SHROOM3: variants seen among roughly 807,000 people sequenced by gnomAD.
The protein encoded by SHROOM3 is protein Shroom3.
A neutral mutation model predicts 138.6 loss-of-function variants in SHROOM3; 47 were observed. The observed-to-expected ratio is 0.34, with a 90% CI of 0.27 to 0.43. SHROOM3 has a LOEUF of 0.43. Ranked by LOEUF, SHROOM3 falls within the 20% of genes least tolerant of loss-of-function variation. SHROOM3 has a pLI of 1.00. For missense variants in SHROOM3, 2,491 were observed against 2,596.5 expected (o/e 0.96, Z 0.88); for synonymous variants, 1,062 against 1,063.3 (o/e 1.00, Z 0.02).
intron 7 of SHROOM3, among the ~76,000 whole-genome samples, chr4:76,755,731 G>A (rs1178881491): frequency 3.3e-5 from 5 of 152,162 alleles, no homozygotes; most frequent in African/African-American, 1.2e-4. Flanking sequence ...GAGAGACTGG[G>A]ATGTGAATGC....
At chr4:76,478,404 A>G (rs1018546790) in intron 1 of SHROOM3, among the ~76,000 whole-genome samples, 1 of 152,172 alleles carries the variant, frequency 6.6e-6, no homozygotes, top group Admixed American at 6.5e-5. Flanking sequence ...TCACAAAACC[A>G]CTGTAGCCAG....
chr4:76,506,874 AG>A (rs1732221702), intron 1 of SHROOM3, among the ~76,000 whole-genome samples: 1 of 152,166 alleles, frequency 6.6e-6, no homozygotes, highest in Non-Finnish European at 1.5e-5. Flanking sequence ...ACTCTCTTAC[AG>A]TACTCCCTCC....
At chr4:76,626,576 A>G (rs539308932) in intron 2 of SHROOM3, among the ~76,000 whole-genome samples, 1 of 152,336 alleles carries the variant, frequency 6.6e-6, no homozygotes, top group South Asian at 2.1e-4. Flanking sequence ...TTTAACATGC[A>G]TGGGTAGAAT....
chr4:76,483,134 GC>G (rs569907455), intron 1 of SHROOM3, among the ~76,000 whole-genome samples: 107 of 152,110 alleles, frequency 7.0e-4, no homozygotes, highest in Non-Finnish European at 1.4e-3. Context: ...GGCAACAAAA[GC>G]CAAAATTGAC....
intron 2 of SHROOM3, among the ~76,000 whole-genome samples, chr4:76,627,458 G>A (rs1267251640): frequency 2.0e-5 from 3 of 152,080 alleles, no homozygotes; most frequent in Non-Finnish European, 4.4e-5. Flanking sequence ...TGTCCACTAG[G>A]TAGAGATTCT....
intron 2 of SHROOM3, among the ~76,000 whole-genome samples, chr4:76,585,273 T>C (rs999940380): frequency 2.0e-5 from 3 of 152,218 alleles, no homozygotes; most frequent in Non-Finnish European, 4.4e-5. Context: ...TTGTTCAAAT[T>C]CTTTTGCAAG....
intron 1 of SHROOM3, among the ~76,000 whole-genome samples, chr4:76,523,262 A>G (rs994421823): frequency 6.6e-6 from 1 of 152,092 alleles, no homozygotes; most frequent in African/African-American, 2.4e-5. Context: ...TAAGGACCCC[A>G]CTTACTGGAT....
At chr4:76,479,474 G>T (rs912267742) in intron 1 of SHROOM3, among the ~76,000 whole-genome samples, 5 of 151,986 alleles carry the variant, frequency 3.3e-5, no homozygotes, top group African/African-American at 4.8e-5. Flanking sequence ...AAAAAATAGG[G>T]GACTATGTGG....
Position 76,755,139 on chromosome 4 carries a change from C to T in SHROOM3, c.4656C>T (p.His1552=). The change falls in exon 7 of 11, where the codon CAC becomes CAT. Residue 1552 remains histidine (H), a synonymous_variant. Transcript: ENST00000296043. The part of the protein sequence containing the change: ...SMDDFPPPPP[H]TVCEAQLDSE... ...ATGACTTCCCTCCACCTCCTCCCCACACTGTATGTGAGGCGCAGCTGGACA... is the reference window on the plus strand; with the variant it reads ...ATGACTTCCCTCCACCTCCTCCCCATACTGTATGTGAGGCGCAGCTGGACA... 2 of 1,613,344 alleles carry T rather than the reference C, an allele frequency of 1.2e-6. No homozygotes were observed. The highest frequency in any genetic ancestry group is 1.7e-6 in the Non-Finnish European group (2 of 1,179,630).
intron 1 of SHROOM3, among the ~76,000 whole-genome samples, chr4:76,436,532 A>T (rs895578104): frequency 2.6e-5 from 4 of 152,352 alleles, no homozygotes; most frequent in African/African-American, 2.4e-5. Flanking sequence ...GATTAATAAC[A>T]TGGTTAAGAT....
chr4:76,565,214 A>G (rs1159296715), intron 2 of SHROOM3, among the ~76,000 whole-genome samples: 1 of 150,684 alleles, frequency 6.6e-6, no homozygotes, highest in African/African-American at 2.4e-5. Flanking sequence ...CTGAGCCTTT[A>G]GGATATGAGG....
intron 3 of SHROOM3, among the ~76,000 whole-genome samples, chr4:76,721,455 T>C (rs558623116): frequency 4.6e-5 from 7 of 152,332 alleles, no homozygotes; most frequent in South Asian, 4.1e-4. Flanking sequence ...TAAACAAATA[T>C]ATGCATACGG....
intron 2 of SHROOM3, among the ~76,000 whole-genome samples, chr4:76,640,993 C>T (rs947874541): frequency 6.6e-5 from 10 of 152,234 alleles, no homozygotes; most frequent in South Asian, 6.2e-4. Context: ...AATGGGGGAT[C>T]GAAGTCCAGG....
intron 5 of SHROOM3, among the ~76,000 whole-genome samples, chr4:76,744,005 C>A (rs1721349514): frequency 6.6e-6 from 1 of 152,158 alleles, no homozygotes; most frequent in Non-Finnish European, 1.5e-5. Context: ...ATTGTTTATT[C>A]CCCATTAGAT....
chr4:76,624,159 T>C (rs1167961364), intron 2 of SHROOM3, among the ~76,000 whole-genome samples: 1 of 152,234 alleles, frequency 6.6e-6, no homozygotes, highest in Non-Finnish European at 1.5e-5. Flanking sequence ...AACCTTCACA[T>C]GTGCTTTTTA....
chr4:76,647,932 A>T (rs1735862034), intron 2 of SHROOM3, among the ~76,000 whole-genome samples: 2 of 152,120 alleles, frequency 1.3e-5, no homozygotes, highest in African/African-American at 4.8e-5. Context: ...AAAACTATGG[A>T]CCTAGATATT....
intron 10 of SHROOM3, among the ~76,000 whole-genome samples, chr4:76,772,515 G>C (rs951705709): frequency 6.6e-6 from 1 of 152,170 alleles, no homozygotes; most frequent in Non-Finnish European, 1.5e-5. Context: ...AAAAGGATTA[G>C]AAAAAGTCTG....
chr4:76,767,174 C>T (rs1025905305), intron 9 of SHROOM3, among the ~76,000 whole-genome samples: 2 of 152,172 alleles, frequency 1.3e-5, no homozygotes, highest in Admixed American at 6.5e-5. Context: ...TTGACCCTTC[C>T]AGTCCACTGA....
rs546867248 is a variant in SHROOM3 at position 76,666,512 on chromosome 4, A to C, written c.324-43644A>C. 2.0e-5 allele frequency among the ~76,000 whole-genome samples: 3 copies of C among 152,312 alleles called. No individual in the cohort carries two copies. In the South Asian group the frequency reaches 6.2e-4, roughly 32 times the overall value. ...ATCTAATCTTGAACTGGTGGGCTCA[A>C]ATGATCCTCCCTCCTCAGCCTCTCA... On this transcript the variant is annotated intron_variant, in intron 2 of 10. Coordinates refer to ENST00000296043, the MANE Select transcript of SHROOM3 (RefSeq NM_020859.4).
Sources: gnomAD v4.1 joint callset for allele counts (sites outside exome capture counted in the v4.1 genomes callset) on GRCh38, gnomAD v4.1.1 for gene constraint, MANE v1.5 for transcripts, NCBI Gene and HGNC (gene_info 2026-07-23, HGNC 2026-07-21) for gene names.